Variants in PDLIM5 observed in about 807,000 individuals in gnomAD.
PDLIM5 encodes the protein PDZ and LIM domain protein 5.
PDLIM5 carries 34 observed loss-of-function variants against 64.2 expected under a neutral mutation model. The ratio of observed to expected loss-of-function variants is 0.53; its 90% CI spans 0.40 to 0.71. PDLIM5 has a LOEUF of 0.71. Ranked by LOEUF, PDLIM5 falls within the 30% of genes least tolerant of loss-of-function variation. The pLI is 0.00. For missense variants in PDLIM5, 683 were observed against 733.6 expected (o/e 0.93, Z 0.80); for synonymous variants, 253 against 269.1 (o/e 0.94, Z 0.59).
chr4:94,633,452 A>C (rs754497490), intron 8 of PDLIM5, among the ~76,000 whole-genome samples: 6 of 152,120 alleles, frequency 3.9e-5, no homozygotes, highest in Non-Finnish European at 8.8e-5. Flanking sequence ...CTACTTCTTC[A>C]AGTTATTTTG....
At chr4:94,535,034 T>C (rs1383894885) in intron 3 of PDLIM5, among the ~76,000 whole-genome samples, 2 of 152,194 alleles carry the variant, frequency 1.3e-5, no homozygotes, top group Non-Finnish European at 2.9e-5. Context: ...TGAGGTATTA[T>C]TGAAAGCTTT....
At chr4:94,558,118 G>T (rs1166394986) in intron 3 of PDLIM5, among the ~76,000 whole-genome samples, 1 of 152,136 alleles carries the variant, frequency 6.6e-6, no homozygotes, top group African/African-American at 2.4e-5. Flanking sequence ...TAGCATCAAG[G>T]GCTGTTGAAT....
intron 2 of PDLIM5, among the ~76,000 whole-genome samples, chr4:94,507,513 A>AT (rs1378269105): frequency 6.6e-6 from 1 of 152,154 alleles, no homozygotes; most frequent in East Asian, 1.9e-4. Flanking sequence ...TTATGTGCTC[A>AT]TATATATAAG....
chr4:94,573,999 T>C (rs1015587724), intron 4 of PDLIM5, among the ~76,000 whole-genome samples: 1 of 152,198 alleles, frequency 6.6e-6, no homozygotes, highest in Admixed American at 6.5e-5. Context: ...AACACTGACA[T>C]GCTCACATGA....
At chr4:94,619,012 T>G (rs72878495) in intron 8 of PDLIM5, among the ~76,000 whole-genome samples, 10,332 of 152,044 alleles carry the variant, frequency 0.068, 1,186 homozygotes, top group African/African-American at 0.23. Context: ...TTACAGATCT[T>G]TCTCTCCAAC....
intron 9 of PDLIM5, among the ~76,000 whole-genome samples, chr4:94,644,821 C>T (rs537400259): frequency 1.3e-5 from 2 of 152,106 alleles, no homozygotes; most frequent in South Asian, 4.2e-4. Context: ...GATTAACAGG[C>T]GTAAGCCACC....
intron 1 of PDLIM5, among the ~76,000 whole-genome samples, chr4:94,453,620 G>A (rs1475213078): frequency 6.6e-6 from 1 of 152,192 alleles, no homozygotes; most frequent in Non-Finnish European, 1.5e-5. Flanking sequence ...AGGGCAGGCT[G>A]CCTGTGAAAT....
intron 3 of PDLIM5, among the ~76,000 whole-genome samples, chr4:94,570,417 G>A (rs909348911): frequency 3.9e-5 from 6 of 152,214 alleles, no homozygotes; most frequent in Admixed American, 2.0e-4. Context: ...GAGTGAGTGT[G>A]TGAGTGAGTG....
intron 3 of PDLIM5, among the ~76,000 whole-genome samples, chr4:94,541,730 C>G (rs1731822036): frequency 2.0e-5 from 3 of 152,218 alleles, no homozygotes; most frequent in African/African-American, 7.2e-5. Context: ...ATCTTCTCTG[C>G]CCAGCTGGAG....
intron 3 of PDLIM5, among the ~76,000 whole-genome samples, chr4:94,560,352 C>T (rs757109269): frequency 4.6e-5 from 7 of 151,964 alleles, no homozygotes; most frequent in East Asian, 1.9e-4. Flanking sequence ...AGGAACTTAG[C>T]GGTGATTTTA....
At chr4:94,452,768 A>G (rs553711704) in intron 1 of PDLIM5, among the ~76,000 whole-genome samples, 16 of 152,148 alleles carry the variant, frequency 1.1e-4, no homozygotes, top group Non-Finnish European at 2.2e-4. Context: ...GCCAGATCCT[A>G]TCCCAAGTCC....
At chr4:94,615,697 T>C (rs1317489725) in intron 7 of PDLIM5, among the ~76,000 whole-genome samples, 2 of 152,194 alleles carry the variant, frequency 1.3e-5, no homozygotes, top group African/African-American at 4.8e-5. Flanking sequence ...TTGTGCGGCA[T>C]TCCATCCTCT....
At chr4:94,541,841 T>C (rs1002547955) in intron 3 of PDLIM5, among the ~76,000 whole-genome samples, 1 of 152,212 alleles carries the variant, frequency 6.6e-6, no homozygotes, top group South Asian at 2.1e-4. Context: ...CATTTACTGA[T>C]GGATGGAATA....
intron 3 of PDLIM5, among the ~76,000 whole-genome samples, chr4:94,536,468 C>A (rs191408055): frequency 6.6e-6 from 1 of 152,284 alleles, no homozygotes; most frequent in Non-Finnish European, 1.5e-5. Context: ...TAAAATGTGG[C>A]ATGCTCACAA....
intron 7 of PDLIM5, among the ~76,000 whole-genome samples, chr4:94,613,944 C>A (rs1738563023): frequency 6.6e-6 from 1 of 150,630 alleles, no homozygotes. Flanking sequence ...AATAATATGG[C>A]CAGTGACTTT....
chr4:94,557,139 C>G (rs1733411951), intron 3 of PDLIM5, among the ~76,000 whole-genome samples: 1 of 152,154 alleles, frequency 6.6e-6, no homozygotes, highest in Non-Finnish European at 1.5e-5. Flanking sequence ...GCCAGTTTTC[C>G]CAGCACTGTT....
intron 2 of PDLIM5, among the ~76,000 whole-genome samples, chr4:94,517,811 C>T (rs1487492017): frequency 2.0e-5 from 3 of 152,154 alleles, no homozygotes; most frequent in African/African-American, 7.2e-5. Flanking sequence ...TATAGGTACA[C>T]GTCTCCTACT....
chr4:94,457,063 T>C, intron 2 of PDLIM5: 1 of 867,250 alleles, frequency 1.2e-6, no homozygotes, highest in Non-Finnish European at 1.4e-6. Flanking sequence ...AATATATGTG[T>C]ATGTATAAAT....
chr4:94,535,315 C>G (rs1038813576), intron 3 of PDLIM5, among the ~76,000 whole-genome samples: 2 of 152,268 alleles, frequency 1.3e-5, no homozygotes, highest in Non-Finnish European at 2.9e-5. Context: ...GTGTTCTGCC[C>G]CTTTCACCTT....
Sources: allele counts gnomAD v4.1 joint callset (sites outside exome capture counted in the v4.1 genomes callset), GRCh38; gene constraint gnomAD v4.1.1; transcripts MANE v1.5; gene names NCBI Gene and HGNC (gene_info 2026-07-23, HGNC 2026-07-21).